RANBP2: variants seen among roughly 807,000 people sequenced by gnomAD.
RANBP2 encodes E3 SUMO-protein ligase RanBP2.
In RANBP2, 57 loss-of-function variants were observed where a neutral mutation model predicts 303.6. That is an observed-to-expected ratio of 0.19 (90% CI 0.15 to 0.23). RANBP2 has a LOEUF of 0.23. Among genes scored for constraint, RANBP2 ranks in the 10% least tolerant of loss-of-function variants. The pLI, the probability that RANBP2 is intolerant of heterozygous loss-of-function variation, is 1.00. For missense variants in RANBP2, 3,138 were observed against 3,780.8 expected, an observed-to-expected ratio of 0.83 and a Z score of 4.46; for synonymous variants, 1,167 against 1,301.5, an observed-to-expected ratio of 0.90 and a Z score of 2.23.
chr2:109,137,132 G>A, the RANBP2 span, among the ~76,000 whole-genome samples: 1 of 152,194 alleles, frequency 6.6e-6, no homozygotes, highest in Non-Finnish European at 1.5e-5. Context: ...GAAAACATGT[G>A]TCTATATCTT....
At chr2:109,049,513 C>T in the RANBP2 span, among the ~76,000 whole-genome samples, 1 of 152,150 alleles carries the variant, frequency 6.6e-6, no homozygotes, top group Admixed American at 6.6e-5. Context: ...GAAGAAGCTC[C>T]CCTTGTGTGT....
At chr2:109,057,141 CT>C in the RANBP2 span, among the ~76,000 whole-genome samples, 1 of 152,156 alleles carries the variant, frequency 6.6e-6, no homozygotes, top group East Asian at 1.9e-4. Context: ...ATGTTCATTT[CT>C]GATCCTACAA....
chr2:109,328,557 C>CT, the RANBP2 span, among the ~76,000 whole-genome samples: 3 of 152,222 alleles, frequency 2.0e-5, 1 homozygote, highest in South Asian at 6.2e-4. Flanking sequence ...CTGTGAGCCT[C>CT]TGATTTCGAC....
intron 23 of RANBP2, among the ~76,000 whole-genome samples, chr2:108,774,858 A>C (rs1225800059): frequency 2.0e-5 from 3 of 151,924 alleles, no homozygotes; most frequent in Non-Finnish European, 2.9e-5. Flanking sequence ...GGCGTGGCTA[A>C]TTTTTGTATT....
chr2:109,462,278 T>C, the RANBP2 span, among the ~76,000 whole-genome samples: 1 of 151,634 alleles, frequency 6.6e-6, no homozygotes, highest in South Asian at 2.1e-4. Flanking sequence ...CTGAGTTTCA[T>C]TGCTGGCCTT....
At chr2:108,906,162 G>C in the RANBP2 span, 4,425 of 780,168 alleles carry the variant, frequency 5.7e-3, 142 homozygotes, top group African/African-American at 0.07. Flanking sequence ...ACCTGAAATA[G>C]TTTCCAGCGG....
At chr2:109,635,104 G>A in the RANBP2 span, among the ~76,000 whole-genome samples, 2 of 142,400 alleles carry the variant, frequency 1.4e-5, no homozygotes, top group Non-Finnish European at 3.1e-5. Context: ...TAAAACTCCA[G>A]TGTTAAAAAA....
the RANBP2 span, among the ~76,000 whole-genome samples, chr2:109,316,490 A>G: frequency 0.31 from 47,379 of 152,012 alleles, 9,142 homozygotes; most frequent in African/African-American, 0.55. Context: ...AGCCCATGAC[A>G]TGGAGAGAAC....
chr2:109,241,165 G>A, the RANBP2 span, among the ~76,000 whole-genome samples: 89 of 152,272 alleles, frequency 5.8e-4, no homozygotes, highest in Admixed American at 7.2e-4. Context: ...AGAAGAGAGC[G>A]AAATAAGTTT....
At chr2:109,715,385 C>T in the RANBP2 span, among the ~76,000 whole-genome samples, 1 of 152,156 alleles carries the variant, frequency 6.6e-6, no homozygotes, top group Non-Finnish European at 1.5e-5. Context: ...TCTCACCATG[C>T]CTGGCCTCCT....
chr2:108,921,922 C>T, the RANBP2 span, among the ~76,000 whole-genome samples: 1 of 152,230 alleles, frequency 6.6e-6, no homozygotes, highest in Non-Finnish European at 1.5e-5. Flanking sequence ...GGCCCTACCC[C>T]GAGGCTTTCC....
At chr2:109,555,832 G>A in the RANBP2 span, among the ~76,000 whole-genome samples, 2 of 152,070 alleles carry the variant, frequency 1.3e-5, no homozygotes, top group African/African-American at 2.4e-5. Context: ...TCTTCCCCTG[G>A]CCCCTTCCTT....
At chr2:109,097,679 T>G in the RANBP2 span, among the ~76,000 whole-genome samples, 1 of 152,016 alleles carries the variant, frequency 6.6e-6, no homozygotes, top group Non-Finnish European at 1.5e-5. Flanking sequence ...TCAGGCTGCC[T>G]TGGAGATTTT....
At chr2:109,332,152 T>G in the RANBP2 span, among the ~76,000 whole-genome samples, 168 of 152,294 alleles carry the variant, frequency 1.1e-3, no homozygotes, top group African/African-American at 3.8e-3. Context: ...AGAGGCGCTT[T>G]ACCCATGAGA....
At chr2:108,973,380 CAG>C in the RANBP2 span, among the ~76,000 whole-genome samples, 2 of 152,200 alleles carry the variant, frequency 1.3e-5, no homozygotes, top group Non-Finnish European at 2.9e-5. Flanking sequence ...GAGGGCGGTG[CAG>C]AGAGAGTGTC....
the RANBP2 span, among the ~76,000 whole-genome samples, chr2:109,524,444 CAAAAAAA>C: frequency 8.3e-5 from 7 of 84,436 alleles, no homozygotes; most frequent in African/African-American, 3.9e-4. Context: ...GACCCTGTCT[CAAAAAAA>C]AAAAAAAAAA....
chr2:109,048,006 T>C, the RANBP2 span, among the ~76,000 whole-genome samples: 5 of 152,304 alleles, frequency 3.3e-5, no homozygotes, highest in African/African-American at 1.2e-4. Flanking sequence ...CAAAGCTAAA[T>C]GTACTCCTCC....
At chr2:109,390,643 T>A in the RANBP2 span, among the ~76,000 whole-genome samples, 1 of 151,866 alleles carries the variant, frequency 6.6e-6, no homozygotes, top group Admixed American at 6.6e-5. Context: ...CAAGTGGGGG[T>A]GCGGTCGGCA....
chr2:109,657,919 G>C, the RANBP2 span, among the ~76,000 whole-genome samples: 2 of 151,374 alleles, frequency 1.3e-5, no homozygotes, highest in African/African-American at 4.9e-5. Context: ...GGGGTTTAAC[G>C]CTATTGGCCA....
Sources: gnomAD v4.1 joint callset for allele counts (sites outside exome capture counted in the v4.1 genomes callset) on GRCh38, gnomAD v4.1.1 for gene constraint, MANE v1.5 for transcripts, NCBI Gene and HGNC (gene_info 2026-07-23, HGNC 2026-07-21) for gene names.